GABRB1: variants seen among roughly 807,000 people sequenced by gnomAD.
The protein encoded by GABRB1 is gamma-aminobutyric acid type A receptor subunit beta1.
GABRB1 carries 17 observed loss-of-function variants against 51.6 expected under a neutral mutation model. The observed-to-expected ratio is 0.33, with a 90% CI of 0.23 to 0.49. The LOEUF (loss-of-function observed/expected upper bound fraction) is 0.49. GABRB1 is among the 20% of genes least tolerant of loss of function. The probability of loss-of-function intolerance (pLI) is 0.99; values close to 1 mark genes in which losing one functional copy is unlikely to be tolerated. For synonymous variants in GABRB1, 247 were observed against 218.9 expected, an observed-to-expected ratio of 1.13 and a Z score of -1.14; for missense variants, 410 against 600.6, an observed-to-expected ratio of 0.68 and a Z score of 3.32.
At chr4:47,093,094 T>C (rs1714188474) in intron 3 of GABRB1, among the ~76,000 whole-genome samples, 1 of 152,242 alleles carries the variant, frequency 6.6e-6, no homozygotes, top group Non-Finnish European at 1.5e-5. Context: ...ATAATTCACA[T>C]ACAGAAATTT....
At chr4:47,254,760 G>A (rs1334503024) in intron 4 of GABRB1, among the ~76,000 whole-genome samples, 1 of 152,036 alleles carries the variant, frequency 6.6e-6, no homozygotes, top group Non-Finnish European at 1.5e-5. Context: ...CCTCTTTTCT[G>A]GCAATACAAG....
At chr4:47,248,253 T>C (rs528634558) in intron 4 of GABRB1, among the ~76,000 whole-genome samples, 2 of 152,280 alleles carry the variant, frequency 1.3e-5, no homozygotes, top group African/African-American at 4.8e-5. Flanking sequence ...AGAATGCTTT[T>C]TCTGCTGCAT....
intron 5 of GABRB1, among the ~76,000 whole-genome samples, chr4:47,395,415 G>A (rs753943657): frequency 6.6e-6 from 1 of 152,196 alleles, no homozygotes; most frequent in African/African-American, 2.4e-5. Context: ...TCGCTAACAC[G>A]AGAACAGCAA....
chr4:47,133,872 T>TA, intron 3 of GABRB1, among the ~76,000 whole-genome samples: 1 of 152,310 alleles, frequency 6.6e-6, no homozygotes, highest in Non-Finnish European at 1.5e-5. Flanking sequence ...CTGCGATTAC[T>TA]AAAGAATCCT....
At position 47,406,748 on chromosome 4, in the gene GABRB1, C is replaced by G; in HGVS notation, c.902C>G (p.Pro301Arg). The G allele has an allele frequency of 6.2e-7, 1 of 1,614,116 alleles. No homozygotes were observed. Among genetic ancestry groups the G allele is most frequent in the Non-Finnish European group, 8.5e-7 (1 of 1,180,010 alleles). Residue 301 changes from proline to arginine, a missense_variant, in exon 8 of 9, where the codon CCT (proline) becomes CGT (arginine). Pro to Arg is a moderately radical substitution (Grantham distance 103). This residue lies in a region of GABRB1 where 37 missense variants were observed against 126.3 expected (regional missense o/e 0.29). Coordinates refer to ENST00000295454, the MANE Select transcript of GABRB1 (RefSeq NM_000812.4). Reference sequence around the variant, plus strand: ...CTCAGGGAGACCCTGCCAAAGATCCCTTATGTCAAAGCGATTGATATTTAT... The same window carrying G: ...CTCAGGGAGACCCTGCCAAAGATCCGTTATGTCAAAGCGATTGATATTTAT... ...THLRETLPKIPYVKAIDIYLM... is the reference protein window; with the variant it reads ...THLRETLPKIRYVKAIDIYLM...
chr4:47,225,032 T>C (rs1398735527), intron 4 of GABRB1, among the ~76,000 whole-genome samples: 1 of 152,086 alleles, frequency 6.6e-6, no homozygotes, highest in African/African-American at 2.4e-5. Flanking sequence ...GTAGCTGGGA[T>C]TACAGGCATG....
intron 7 of GABRB1, among the ~76,000 whole-genome samples, 176 bp from the exon 8 acceptor site, chr4:47,406,506 G>A (rs1262504203): frequency 3.3e-5 from 5 of 152,178 alleles, no homozygotes; most frequent in Non-Finnish European, 5.9e-5. Flanking sequence ...ACTATGTAGG[G>A]AGGCTAATGC....
chr4:47,305,349 G>T (rs1276558564), intron 4 of GABRB1, among the ~76,000 whole-genome samples: 6 of 152,094 alleles, frequency 3.9e-5, no homozygotes, highest in Non-Finnish European at 8.8e-5. Context: ...TCAGGAGAAA[G>T]AAAATGGATC....
At chr4:47,218,742 G>A (rs576618108) in intron 4 of GABRB1, among the ~76,000 whole-genome samples, 58 of 151,680 alleles carry the variant, frequency 3.8e-4, no homozygotes, top group African/African-American at 1.3e-3. Context: ...TCTTTTCTCC[G>A]CATTCCAAGG....
chr4:47,182,175 T>G (rs1241647864), intron 4 of GABRB1, among the ~76,000 whole-genome samples: 3 of 151,978 alleles, frequency 2.0e-5, no homozygotes, highest in Non-Finnish European at 4.4e-5. Flanking sequence ...GGATTTGTTC[T>G]TGACAGCATG....
chr4:46,997,486 G>A (rs1724035848), intron 1 of GABRB1, among the ~76,000 whole-genome samples: 1 of 151,486 alleles, frequency 6.6e-6, no homozygotes, highest in Non-Finnish European at 1.5e-5. Flanking sequence ...GCTTCAAGCT[G>A]TATCTCCTAA....
chr4:47,222,456 G>T (rs1001666732), intron 4 of GABRB1, among the ~76,000 whole-genome samples: 14 of 152,084 alleles, frequency 9.2e-5, no homozygotes, highest in Non-Finnish European at 2.1e-4. Flanking sequence ...TAGTAAATAT[G>T]AAGCAATCAG....
At chr4:47,111,736 A>G (rs1715219594) in intron 3 of GABRB1, among the ~76,000 whole-genome samples, 1 of 151,992 alleles carries the variant, frequency 6.6e-6, no homozygotes, top group Non-Finnish European at 1.5e-5. Context: ...AGGGTGGCAC[A>G]TACCTGTAGA....
At chr4:47,343,011 C>G (rs1033500745) in intron 5 of GABRB1, among the ~76,000 whole-genome samples, 1 of 152,006 alleles carries the variant, frequency 6.6e-6, no homozygotes, top group Admixed American at 6.6e-5. Flanking sequence ...GGATGCTCCA[C>G]AAGCTTGGAT....
At chr4:47,362,768 C>A (rs1346359592) in intron 5 of GABRB1, among the ~76,000 whole-genome samples, 6 of 152,084 alleles carry the variant, frequency 3.9e-5, no homozygotes, top group Non-Finnish European at 8.8e-5. Flanking sequence ...GTCAACTGTT[C>A]ATCACTGTTT....
At chr4:47,019,696 TTC>T (rs1355345580) in intron 1 of GABRB1, among the ~76,000 whole-genome samples, 7 of 144,172 alleles carry the variant, frequency 4.9e-5, no homozygotes, top group South Asian at 2.3e-4. Context: ...TCCTTCTTCT[TTC>T]CTTCTTTCCT....
chr4:47,143,352 T>C (rs974319837), intron 3 of GABRB1, among the ~76,000 whole-genome samples: 1 of 151,854 alleles, frequency 6.6e-6, no homozygotes. Context: ...TGGCCTTCAT[T>C]TTTTTCTTTC....
chr4:47,130,121 C>G (rs562674358), intron 3 of GABRB1, among the ~76,000 whole-genome samples: 4 of 152,170 alleles, frequency 2.6e-5, no homozygotes, highest in African/African-American at 9.7e-5. Flanking sequence ...TTTGCTCCCC[C>G]ACATTTTCTC....
Position 47,403,437 on chromosome 4 carries a change from AAGGTGGAGTTCACAAC to A in GABRB1, c.670_682+3del. 1 of 1,614,070 alleles carries A rather than the reference AAGGTGGAGTTCACAAC, an allele frequency of 6.2e-7. No individual in the cohort carries two copies. Among genetic ancestry groups the A allele is most frequent in the Non-Finnish European group, 8.5e-7 (1 of 1,179,928 alleles). ...TGTTGACTACAAGATGGTGTCTAAG[AAGGTGGAGTTCACAAC>A]AGGTGAGGTTGTTTCCCCCAAAATG... On this transcript the variant is annotated frameshift_variant and splice_region_variant, in exon 6 of 9. Transcript: ENST00000295454. LOFTEE classifies it high-confidence loss of function.
Sources: gnomAD v4.1 joint callset for allele counts (sites outside exome capture counted in the v4.1 genomes callset) on GRCh38, gnomAD v4.1.1 for gene constraint, gnomAD v4.1.1 regional missense constraint, MANE v1.5 for transcripts, NCBI Gene and HGNC (gene_info 2026-07-23, HGNC 2026-07-21) for gene names.